The following ZKSCAN1 variants were observed in gnomAD, a reference collection of about 807,000 sequenced individuals.
The protein encoded by ZKSCAN1 is zinc finger with KRAB and SCAN domains 1.
A neutral mutation model predicts 51.6 loss-of-function variants in ZKSCAN1; 14 were observed. The observed-to-expected ratio is 0.27, with a 90% CI of 0.18 to 0.42. The LOEUF is 0.42. ZKSCAN1 is among the 10% of genes least tolerant of loss of function. ZKSCAN1 has a pLI of 1.00. For synonymous variants in ZKSCAN1, 263 were observed against 261.5 expected (o/e 1.01, Z -0.06); for missense variants, 531 against 710.0 (o/e 0.75, Z 2.86).
intron 1 of ZKSCAN1, 114 bp from the exon 2 acceptor site, chr7:100,023,305 C>G (rs1330306447): frequency 3.6e-6 from 2 of 557,314 alleles, no homozygotes; most frequent in Non-Finnish European, 6.0e-6. Flanking sequence ...GCCACCACCC[C>G]CGGCCTCAGG....
chr7:100,027,853 C>T (rs1176760050), intron 3 of ZKSCAN1, among the ~76,000 whole-genome samples: 3 of 151,228 alleles, frequency 2.0e-5, no homozygotes, highest in Non-Finnish European at 2.9e-5. Context: ...CACAGGGCGA[C>T]CTTAGGAAAC....
At chr7:100,018,964 A>C (rs1790486949) in intron 1 of ZKSCAN1, among the ~76,000 whole-genome samples, 1 of 152,212 alleles carries the variant, frequency 6.6e-6, no homozygotes, top group East Asian at 1.9e-4. Flanking sequence ...CACTGACCCA[A>C]GAAGTGTCCT....
At chr7:100,020,864 G>T (rs2115828510) in intron 1 of ZKSCAN1, among the ~76,000 whole-genome samples, 1 of 152,266 alleles carries the variant, frequency 6.6e-6, no homozygotes, top group African/African-American at 2.4e-5. Flanking sequence ...GAGGTGAAAA[G>T]AATAAATTCA....
downstream of ZKSCAN1, among the ~76,000 whole-genome samples, chr7:100,043,973 C>T (rs1359828427): frequency 6.6e-6 from 1 of 150,736 alleles, no homozygotes; most frequent in Admixed American, 6.6e-5. Context: ...GACGGGGTTT[C>T]GCCATGTTGG....
rs1408032312 is a variant in ZKSCAN1 at position 100,036,945 on chromosome 7, G to A, written c.*2748G>A. 7 of 984,814 alleles carry A rather than the reference G, an allele frequency of 7.1e-6. No individual in the cohort carries two copies. The highest frequency in any genetic ancestry group is 3.5e-5 in the African/African-American group (2 of 57,142). The allele number at this position is 984,814 out of a possible 1,614,324, so 61.0% of individuals were successfully genotyped here. A position where few individuals can be genotyped will look rare whatever the true frequency, so the allele number is the denominator to read the frequency against. ...GACCTGTGCCCTCACATTTAATTCC[G>A]TTTCATGGAGACATCTTCCTGACTT... On this transcript the variant is annotated 3_prime_UTR_variant, in exon 6 of 6. Coordinates refer to ENST00000324306, the MANE Select transcript of ZKSCAN1 (RefSeq NM_003439.4).
In ZKSCAN1 at chr7:100,037,035, T is replaced by C. The variant is rs544552874; in HGVS notation, c.*2838T>C. Reference sequence around the variant, plus strand: ...CACATGCTGTCCTTGAAGCAGCTATTTGAAGATGTGTTTTCTGAGGAAAAC... The same window carrying C: ...CACATGCTGTCCTTGAAGCAGCTATCTGAAGATGTGTTTTCTGAGGAAAAC... On this transcript the variant is annotated 3_prime_UTR_variant, in exon 6 of 6. Coordinates refer to ENST00000324306, the MANE Select transcript of ZKSCAN1 (RefSeq NM_003439.4). The C allele has an allele frequency of 2.7e-4, 264 of 985,426 alleles. No homozygotes were observed. In the African/African-American group the frequency reaches 4.3e-3, roughly 16 times the overall value. 61.0% of individuals were successfully genotyped at this position (985,426 alleles called of 1,614,324 possible).
Position 100,037,311 on chromosome 7 carries a change from G to A in ZKSCAN1, c.*3114G>A. ...ATATATACCCTACCCTTGCCAGGAA[G>A]AGAAGTAAAATCCTCAGGTTGTGGG... On this transcript the variant is annotated 3_prime_UTR_variant, in exon 6 of 6. Transcript: ENST00000324306. The A allele has an allele frequency of 1.0e-6, 1 of 985,442 alleles. No individual in the cohort carries two copies. The allele number at this position is 985,442 out of a possible 1,614,324, so 61.0% of individuals were successfully genotyped here.
downstream of ZKSCAN1, among the ~76,000 whole-genome samples, chr7:100,042,702 A>G (rs1196392805): frequency 6.7e-6 from 1 of 150,030 alleles, no homozygotes. Flanking sequence ...TTTATTATAT[A>G]TACACATGTG....
chr7:100,016,364 G>A (rs1318318481), intron 1 of ZKSCAN1, among the ~76,000 whole-genome samples: 1 of 152,126 alleles, frequency 6.6e-6, no homozygotes, highest in African/African-American at 2.4e-5. Flanking sequence ...ATGCTTTGAA[G>A]GCTTTGGAAA....
chr7:100,023,656 A>G lies in ZKSCAN1; in HGVS notation c.150A>G (p.Pro50=). 1.2e-6 allele frequency: 2 copies of G among 1,614,180 alleles called. No individual in the cohort carries two copies. Among genetic ancestry groups the G allele is most frequent in the South Asian group, 1.1e-5 (1 of 91,080 alleles). The change falls in exon 2 of 6, where the codon CCA becomes CCG. Residue 50 remains proline, a synonymous_variant. Transcript: ENST00000324306. Reference sequence around the variant, plus strand: ...CCACCCTACAGGACACGCCTCCTCCAGACCCAGAGATATTCCGCCAACGCT... The same window carrying G: ...CCACCCTACAGGACACGCCTCCTCCGGACCCAGAGATATTCCGCCAACGCT... ...QDSTLQDTPP[P]DPEIFRQRFR...
Position 100,029,892 on chromosome 7 carries a change from T to G in ZKSCAN1, c.612T>G (p.Pro204=), listed in dbSNP as rs746934722. ...ALPAAHIPAP[P]HEGSPRDQAM... ...CTGCTGCCCACATTCCTGCACCCCC[T>G]CATGAGGGTAGTCCCAGAGACCAGG... Residue 204 remains proline, a synonymous_variant, in exon 4 of 6, where the codon CCT becomes CCG. Coordinates refer to ENST00000324306, the MANE Select transcript of ZKSCAN1 (RefSeq NM_003439.4). 2.2e-5 allele frequency: 35 copies of G among 1,614,084 alleles called. No homozygotes were observed. Among genetic ancestry groups the G allele is most frequent in the Non-Finnish European group, 3.0e-5 (35 of 1,180,012 alleles).
chr7:100,016,073 G>A (rs1790347701), intron 1 of ZKSCAN1, among the ~76,000 whole-genome samples: 1 of 152,182 alleles, frequency 6.6e-6, no homozygotes, highest in African/African-American at 2.4e-5. Flanking sequence ...ACCGACCCCG[G>A]TCTTGATTTT....
At chr7:100,016,143 G>T (rs537342924) in intron 1 of ZKSCAN1, among the ~76,000 whole-genome samples, 1 of 151,730 alleles carries the variant, frequency 6.6e-6, no homozygotes. Flanking sequence ...TTCCCCCCCC[G>T]GTTCCTTCGG....
chr7:100,030,519 GT>G, intron 5 of ZKSCAN1, 144 bp downstream of exon 5: 1 of 1,092,308 alleles, frequency 9.2e-7, no homozygotes, highest in Non-Finnish European at 1.3e-6. Flanking sequence ...AAGTGAGAAT[GT>G]TTGTGTTCAT....
chr7:100,037,417 A>G lies in ZKSCAN1; in HGVS notation c.*3220A>G. On this transcript the variant is annotated 3_prime_UTR_variant, in exon 6 of 6. Transcript: ENST00000324306. ...TATGAGACATCTTGATATGTAAAGC[A>G]CTTAATATTAAAGGCATAAAAGTGA... The G allele has an allele frequency of 2.0e-6, 2 of 985,458 alleles. No homozygotes were observed. Among genetic ancestry groups the G allele is most frequent in the Non-Finnish European group, 2.4e-6 (2 of 829,946 alleles). 61.0% of individuals were successfully genotyped at this position (985,458 alleles called of 1,614,324 possible).
chr7:100,043,190 A>G (rs573677487), downstream of ZKSCAN1, among the ~76,000 whole-genome samples: 11 of 151,824 alleles, frequency 7.2e-5, no homozygotes, highest in East Asian at 2.1e-3. Flanking sequence ...CCTTGGCCTC[A>G]CAGGTGTGAG....
chr7:100,031,459 G>A (rs115427835), intron 5 of ZKSCAN1, among the ~76,000 whole-genome samples: 3,571 of 151,906 alleles, frequency 0.024, 132 homozygotes, highest in African/African-American at 0.079. Flanking sequence ...TACATGTTCT[G>A]TAGAGAAGAG....
chr7:100,038,261 T>A lies in ZKSCAN1; in HGVS notation c.*4064T>A. 1 of 985,442 alleles carries A rather than the reference T, an allele frequency of 1.0e-6. No individual in the cohort carries two copies. The highest frequency in any genetic ancestry group is 1.2e-6 in the Non-Finnish European group (1 of 829,938). 61.0% of individuals were successfully genotyped at this position (985,442 alleles called of 1,614,324 possible). ...GCAGATACTGTATTTTATTTTAGCC[T>A]ATTTGACAGAACACATCACTCAGAA... On this transcript the variant is annotated 3_prime_UTR_variant, in exon 6 of 6. Coordinates refer to ENST00000324306, the MANE Select transcript of ZKSCAN1 (RefSeq NM_003439.4).
rs1199929871 is a variant in ZKSCAN1 at position 100,035,020 on chromosome 7, A to G, written c.*823A>G. 6.5e-6 allele frequency: 1 copy of G among 152,674 alleles called. No homozygotes were observed. Among genetic ancestry groups the G allele is most frequent in the Non-Finnish European group, 1.5e-5 (1 of 68,070 alleles). 9.5% of individuals were successfully genotyped at this position (152,674 alleles called of 1,614,324 possible). A position where few individuals can be genotyped will look rare whatever the true frequency, so the allele number is the denominator to read the frequency against. On this transcript the variant is annotated 3_prime_UTR_variant, in exon 6 of 6. Coordinates refer to ENST00000324306, the MANE Select transcript of ZKSCAN1 (RefSeq NM_003439.4). ...CTTTTAATCCTTCATTGTTTCATGT[A>G]TGAAGTTTTTAATCACCCCCTAACC...
Sources: gnomAD v4.1 joint callset for allele counts (sites outside exome capture counted in the v4.1 genomes callset) on GRCh38, gnomAD v4.1.1 for gene constraint, MANE v1.5 for transcripts, NCBI Gene and HGNC (gene_info 2026-07-23, HGNC 2026-07-21) for gene names.